WRN: variants seen among roughly 807,000 people sequenced by gnomAD.
WRN encodes the protein bifunctional 3'-5' exonuclease/ATP-dependent helicase WRN.
WRN carries 149 observed loss-of-function variants against 180.7 expected under a neutral mutation model. The ratio of observed to expected loss-of-function variants is 0.82; its 90% CI spans 0.72 to 0.94. The LOEUF is 0.94. Ranked by LOEUF, WRN falls within the 40% of genes least tolerant of loss-of-function variation. The probability of loss-of-function intolerance (pLI) is 0.00; values close to 1 mark genes in which losing one functional copy is unlikely to be tolerated. For missense variants in WRN, 1,661 were observed against 1,700.1 expected, an observed-to-expected ratio of 0.98 and a Z score of 0.40; for synonymous variants, 548 against 568.9, an observed-to-expected ratio of 0.96 and a Z score of 0.52.
chr8:31,091,074 G>C, intron 15 of WRN, 132 bp downstream of exon 15: 1 of 753,742 alleles, frequency 1.3e-6, no homozygotes. Context: ...ATCTTTATTG[G>C]TAATAAATGA....
At chr8:31,040,299 A>T (rs572600242) in intron 1 of WRN, among the ~76,000 whole-genome samples, 51 of 152,342 alleles carry the variant, frequency 3.3e-4, no homozygotes, top group African/African-American at 1.2e-3. Context: ...GTTTGAAGTT[A>T]AGAGGAATGG....
intron 18 of WRN, among the ~76,000 whole-genome samples, chr8:31,104,021 A>G (rs1585460908): frequency 6.6e-6 from 1 of 152,266 alleles, no homozygotes; most frequent in Non-Finnish European, 1.5e-5. Flanking sequence ...GGCGTGAGCC[A>G]CTGCGCCCGG....
intron 1 of WRN, among the ~76,000 whole-genome samples, chr8:31,042,770 G>C (rs938355158): frequency 1.3e-5 from 2 of 152,084 alleles, no homozygotes; most frequent in African/African-American, 2.4e-5. Context: ...TCATATCTAG[G>C]AATCTATCCT....
chr8:31,043,976 T>G (rs1002168390), intron 1 of WRN, among the ~76,000 whole-genome samples: 1 of 152,248 alleles, frequency 6.6e-6, no homozygotes, highest in African/African-American at 2.4e-5. Flanking sequence ...TTATGTAAAC[T>G]TACCCTGTCT....
At chr8:31,116,592 T>G (rs2130306771) in intron 20 of WRN, 64 bp downstream of exon 20, 1 of 1,595,142 alleles carries the variant, frequency 6.3e-7, no homozygotes, top group East Asian at 2.2e-5. Flanking sequence ...TCTCAAATGT[T>G]TATTTACCAG....
chr8:31,157,419 T>A lies in WRN; in HGVS notation c.3871T>A (p.Leu1291Ile), dbSNP rs1370446079. 6.2e-7 allele frequency: 1 copy of A among 1,614,112 alleles called. No individual in the cohort carries two copies. Among genetic ancestry groups the A allele is most frequent in the African/African-American group, 1.3e-5 (1 of 75,020 alleles). The change falls in exon 33 of 35, where the codon TTA becomes ATA. Residue 1291 changes from leucine to isoleucine, a missense_variant. Transcript: ENST00000298139. ...GCCTCTCATGACAATTGGCATGCAC[T>A]TATCCCAAGCGGTGAAAGCTGGCTG... ...ILPLMTIGMH[L>I]SQAVKAGCPL...
At chr8:31,045,577 T>A (rs1811830523) in intron 1 of WRN, among the ~76,000 whole-genome samples, 1 of 152,044 alleles carries the variant, frequency 6.6e-6, no homozygotes, top group South Asian at 2.1e-4. Flanking sequence ...AATTTTTGTA[T>A]TTTTAGTAGA....
chr8:31,149,741 T>C (rs1376924372), intron 30 of WRN, among the ~76,000 whole-genome samples: 2 of 151,998 alleles, frequency 1.3e-5, no homozygotes, highest in African/African-American at 4.8e-5. Context: ...TCCCAAATTG[T>C]TGGGATTACA....
chr8:31,045,152 G>A (rs1430919070), intron 1 of WRN, among the ~76,000 whole-genome samples: 1 of 151,954 alleles, frequency 6.6e-6, no homozygotes, highest in Non-Finnish European at 1.5e-5. Context: ...CTCCTTCATC[G>A]TATGTCAAAT....
chr8:31,043,544 T>G (rs1025389561), intron 1 of WRN, among the ~76,000 whole-genome samples: 2 of 152,194 alleles, frequency 1.3e-5, no homozygotes, highest in East Asian at 1.9e-4. Flanking sequence ...CATTATCGTC[T>G]TCTTTCTTAG....
At chr8:31,154,369 G>A (rs942794631) in intron 31 of WRN, among the ~76,000 whole-genome samples, 2 of 151,732 alleles carry the variant, frequency 1.3e-5, no homozygotes, top group East Asian at 3.8e-4. Flanking sequence ...CTTCTTATTC[G>A]TTAAAGAAAA....
At chr8:31,136,672 T>TA (rs996722198) in intron 24 of WRN, among the ~76,000 whole-genome samples, 10 of 151,568 alleles carry the variant, frequency 6.6e-5, no homozygotes, top group African/African-American at 2.4e-4. Context: ...TCCGTCTCTA[T>TA]AAAAAAAAAT....
intron 1 of WRN, among the ~76,000 whole-genome samples, chr8:31,054,658 C>G (rs75023475): frequency 1.3e-5 from 2 of 152,072 alleles, no homozygotes; most frequent in Admixed American, 6.5e-5. Flanking sequence ...AATCATAATA[C>G]GTTATTTTAA....
At chr8:31,166,898 GA>G in intron 33 of WRN, 123 bp from the exon 34 acceptor site, 1 of 954,124 alleles carries the variant, frequency 1.0e-6, no homozygotes, top group Non-Finnish European at 1.6e-6. Flanking sequence ...TTTGAAAGAG[GA>G]AACTTTTCTT....
At chr8:31,100,320 T>C (rs1487386067) in intron 17 of WRN, among the ~76,000 whole-genome samples, 1 of 152,166 alleles carries the variant, frequency 6.6e-6, no homozygotes, top group African/African-American at 2.4e-5. Context: ...GTGATTTAGC[T>C]CCTCCCATAC....
intron 17 of WRN, among the ~76,000 whole-genome samples, chr8:31,099,260 C>T (rs1467975236): frequency 4.6e-5 from 7 of 151,890 alleles, no homozygotes; most frequent in Admixed American, 2.6e-4. Flanking sequence ...AAAAATTAGC[C>T]GGGCATGGTG....
intron 24 of WRN, among the ~76,000 whole-genome samples, chr8:31,135,378 T>C (rs1257082075): frequency 6.6e-6 from 1 of 152,096 alleles, no homozygotes; most frequent in Non-Finnish European, 1.5e-5. Flanking sequence ...TTGGAGTTTA[T>C]GGCTATTTTT....
chr8:31,099,016 GA>G (rs1056619683), intron 17 of WRN, among the ~76,000 whole-genome samples: 1,658 of 142,072 alleles, frequency 0.012, 20 homozygotes, highest in African/African-American at 0.032. Context: ...CCCCATCTCT[GA>G]AAAAAAAAAA....
chr8:31,057,923 C>A (rs958736026), intron 1 of WRN, among the ~76,000 whole-genome samples: 2 of 151,876 alleles, frequency 1.3e-5, no homozygotes, highest in African/African-American at 4.8e-5. Context: ...AGGTGAGGAG[C>A]AAAATAAAAA....
Sources: gnomAD v4.1 joint callset for allele counts (sites outside exome capture counted in the v4.1 genomes callset) on GRCh38, gnomAD v4.1.1 for gene constraint, MANE v1.5 for transcripts, NCBI Gene and HGNC (gene_info 2026-07-23, HGNC 2026-07-21) for gene names.